The following TAFA5 variants were observed in gnomAD, a reference collection of about 807,000 sequenced individuals.
The protein encoded by TAFA5 is chemokine-like protein TAFA-5.
A neutral mutation model predicts 15.3 loss-of-function variants in TAFA5; 6 were observed. The observed-to-expected ratio is 0.39, with a 90% CI of 0.21 to 0.77. The LOEUF is 0.77. Ranked by LOEUF, TAFA5 falls within the 30% of genes least tolerant of loss-of-function variation. The pLI, the probability that TAFA5 is intolerant of heterozygous loss-of-function variation, is 0.41. For missense variants in TAFA5, 161 were observed against 193.1 expected (o/e 0.83, Z 0.98); for synonymous variants, 103 against 80.7 (o/e 1.28, Z -1.48).
chr22:48,686,076 G>A (rs1301640218), intron 2 of TAFA5, among the ~76,000 whole-genome samples: 2 of 152,134 alleles, frequency 1.3e-5, no homozygotes, highest in Admixed American at 1.3e-4. Context: ...TGCTGAGTGG[G>A]GTCAGCACAG....
chr22:48,675,638 C>T (rs1330646552), intron 2 of TAFA5, among the ~76,000 whole-genome samples: 3 of 152,258 alleles, frequency 2.0e-5, no homozygotes, highest in Admixed American at 6.5e-5. Flanking sequence ...AGGCATGTGC[C>T]GAGGTTGCTC....
intron 3 of TAFA5, among the ~76,000 whole-genome samples, chr22:48,729,171 G>T (rs1454576432): frequency 2.0e-5 from 3 of 150,326 alleles, no homozygotes; most frequent in Non-Finnish European, 3.0e-5. Context: ...AAGTGTTCAG[G>T]TTTCTTTTCC....
chr22:48,614,158 C>T (rs756244932), intron 1 of TAFA5, among the ~76,000 whole-genome samples: 1 of 152,314 alleles, frequency 6.6e-6, no homozygotes, highest in South Asian at 2.1e-4. Flanking sequence ...GTCTGGGGCC[C>T]CCAGGCGCCC....
intron 1 of TAFA5, among the ~76,000 whole-genome samples, chr22:48,542,003 G>C (rs1028467214): frequency 6.6e-6 from 1 of 152,180 alleles, no homozygotes; most frequent in African/African-American, 2.4e-5. Context: ...GCATCAATCA[G>C]CCGCTGTGGT....
At chr22:48,581,138 C>T (rs556281261) in intron 1 of TAFA5, among the ~76,000 whole-genome samples, 2 of 152,356 alleles carry the variant, frequency 1.3e-5, no homozygotes, top group East Asian at 1.9e-4. Context: ...CCACACTCAC[C>T]GTAATGGGAT....
chr22:48,707,913 A>G (rs1929132698), intron 3 of TAFA5, 69 bp downstream of exon 3: 1 of 1,556,616 alleles, frequency 6.4e-7, no homozygotes, highest in Non-Finnish European at 8.7e-7. Flanking sequence ...CTCCGACGCC[A>G]CCCGGGCTCC....
At position 48,489,927 on chromosome 22, in the gene TAFA5, C is replaced by T. The variant is rs1327972168; in HGVS notation, c.112+223C>T. Among the ~76,000 whole-genome samples the T allele has an allele frequency of 6.6e-6, 1 of 151,878 alleles. No homozygotes were observed. The highest frequency in any genetic ancestry group is 2.4e-5 in the African/African-American group (1 of 41,404). ...CACTTCGGGGTCGGACGCCCCGGCC[C>T]GAGCCTCCCTTCCCTGACTCCCCGG... On this transcript the variant is annotated intron_variant, in intron 1 of 3. Coordinates refer to ENST00000402357, the MANE Select transcript of TAFA5 (RefSeq NM_001082967.3). The surrounding 1 kb of genome is among the most constrained non-coding windows in gnomAD (Gnocchi z 5.5).
chr22:48,650,883 T>C (rs1268905141), intron 2 of TAFA5, among the ~76,000 whole-genome samples: 1 of 152,018 alleles, frequency 6.6e-6, no homozygotes, highest in African/African-American at 2.4e-5. Flanking sequence ...CTGCTTCTGC[T>C]CCTTTCTAGC....
intron 3 of TAFA5, among the ~76,000 whole-genome samples, chr22:48,719,450 C>T (rs12166367): frequency 0.056 from 8,595 of 152,212 alleles, 346 homozygotes; most frequent in Admixed American, 0.09. Flanking sequence ...GAGGTGGCTG[C>T]GATGGCCAGG....
chr22:48,648,820 T>G (rs1926955324), intron 2 of TAFA5, among the ~76,000 whole-genome samples: 1 of 131,194 alleles, frequency 7.6e-6, no homozygotes, highest in Non-Finnish European at 1.6e-5. Flanking sequence ...AGAGCAAGAC[T>G]CTGTCTCAAA....
At position 48,735,026 on chromosome 22, in the gene TAFA5, T is replaced by C. The variant is rs191545728; in HGVS notation, c.391-14813T>C. On this transcript the variant is annotated intron_variant, in intron 3 of 3. Transcript: ENST00000402357. ...TTGTAAACTCAATCGGAGAAATCCA[T>C]GATGACAGCAAACGCCTGACCCTGT... 4.3e-3 allele frequency among the ~76,000 whole-genome samples: 649 copies of C among 152,358 alleles called. 5 individuals carry two copies. Among genetic ancestry groups the C allele is most frequent in the Non-Finnish European group, 5.6e-3 (383 of 68,038 alleles).
At chr22:48,497,438 A>C (rs1487181133) in intron 1 of TAFA5, among the ~76,000 whole-genome samples, 1 of 151,824 alleles carries the variant, frequency 6.6e-6, no homozygotes, top group African/African-American at 2.4e-5. Context: ...AAGAAGCTTG[A>C]AAGACAAGAC....
Position 48,489,585 on chromosome 22 carries a change from C to G in TAFA5, c.-8C>G, listed in dbSNP as rs543508340. 1.3e-4 allele frequency: 187 copies of G among 1,444,314 alleles called. 1 individual carries two copies. The African/African-American group carries it at 2.2e-3, about 17-fold the overall frequency. The allele number at this position is 1,444,314 out of a possible 1,614,324, so 89.5% of individuals were successfully genotyped here. A position where few individuals can be genotyped will look rare whatever the true frequency, so the allele number is the denominator to read the frequency against. ...GCTGCTGCCCCCCGCGCGGGCGCCG[C>G]GGCTTCAATGGCGCCATCGCCCAGG... is the stretch of plus-strand genomic sequence containing the variant. On this transcript the variant is annotated 5_prime_UTR_variant, in exon 1 of 4. Coordinates refer to ENST00000402357, the MANE Select transcript of TAFA5 (RefSeq NM_001082967.3). This position sits in a 1 kb window ranked among gnomAD's most constrained non-coding sequence, Gnocchi z 5.5.
At position 48,634,197 on chromosome 22, in the gene TAFA5, C is replaced by A. The variant is rs117008702; in HGVS notation, c.113-12400C>A. Among the ~76,000 whole-genome samples, 56 of 151,932 alleles carry A rather than the reference C, an allele frequency of 3.7e-4. 1 individual carries two copies. The East Asian group carries it at 9.9e-3, about 27-fold the overall frequency. ...ACTCATTCACCCACTCATCACTCAC[C>A]CATCACTCACTCATTGACTAACTCA... On this transcript the variant is annotated intron_variant, in intron 1 of 3. Transcript: ENST00000402357.
At chr22:48,735,606 A>G (rs1321736260) in intron 3 of TAFA5, among the ~76,000 whole-genome samples, 5 of 152,236 alleles carry the variant, frequency 3.3e-5, no homozygotes, top group Non-Finnish European at 7.3e-5. Flanking sequence ...TCTGGAAAGC[A>G]GAAAGCAGTT....
intron 2 of TAFA5, among the ~76,000 whole-genome samples, chr22:48,651,002 G>A (rs1320475604): frequency 2.0e-5 from 3 of 152,234 alleles, no homozygotes; most frequent in Non-Finnish European, 2.9e-5. Context: ...CGAGTCCAGC[G>A]CTCACCCAGC....
intron 2 of TAFA5, among the ~76,000 whole-genome samples, chr22:48,695,391 A>G (rs1009885929): frequency 6.6e-6 from 1 of 152,286 alleles, no homozygotes; most frequent in South Asian, 2.1e-4. Flanking sequence ...CTGGAATCTC[A>G]CTGGTTTTGT....
intron 1 of TAFA5, chr22:48,543,854 C>T (rs1386154800): frequency 6.6e-6 from 1 of 152,362 alleles, no homozygotes; most frequent in Admixed American, 6.5e-5. Flanking sequence ...GATAACTCTC[C>T]ATTTGACCCT....
intron 1 of TAFA5, among the ~76,000 whole-genome samples, chr22:48,492,795 A>G (rs6008736): frequency 0.44 from 67,619 of 152,024 alleles, 17,027 homozygotes; most frequent in African/African-American, 0.69. Context: ...GGTTGGTAAT[A>G]AGTTGACTTG....
Sources: allele counts gnomAD v4.1 joint callset (sites outside exome capture counted in the v4.1 genomes callset), GRCh38; gene constraint gnomAD v4.1.1; non-coding constraint Gnocchi (gnomAD v3.1); transcripts MANE v1.5; gene names NCBI Gene and HGNC (gene_info 2026-07-23, HGNC 2026-07-21).